The following GPRC6A variants were observed in gnomAD, a reference collection of about 807,000 sequenced individuals.
GPRC6A encodes G protein-coupled receptor class C group 6 member A, also known as G protein-coupled receptor family C group 6 member A.
GPRC6A carries 54 observed loss-of-function variants against 47.0 expected under a neutral mutation model. That is an observed-to-expected ratio of 1.15 (90% CI 0.92 to 1.44). The LOEUF is 1.44. Ranked by LOEUF, GPRC6A falls within the 40% of genes most tolerant of loss-of-function variation. GPRC6A has a pLI of 0.00. For missense variants in GPRC6A, 1,112 were observed against 1,105.5 expected, an observed-to-expected ratio of 1.01 and a Z score of -0.08; for synonymous variants, 347 against 377.1, an observed-to-expected ratio of 0.92 and a Z score of 0.93.
intron 1 of GPRC6A, among the ~76,000 whole-genome samples, chr6:116,813,840 A>T (rs1052295890): frequency 1.1e-4 from 17 of 152,226 alleles, no homozygotes; most frequent in African/African-American, 4.1e-4. Context: ...AATGGGAGAA[A>T]ATTATTGCAA....
intron 1 of GPRC6A, among the ~76,000 whole-genome samples, chr6:116,811,083 T>C (rs1218847736): frequency 6.6e-6 from 1 of 152,164 alleles, no homozygotes; most frequent in Non-Finnish European, 1.5e-5. Flanking sequence ...CTAACACCAC[T>C]TGGGCTCAGA....
intron 1 of GPRC6A, among the ~76,000 whole-genome samples, chr6:116,824,989 T>C (rs1773633823): frequency 6.6e-6 from 1 of 152,008 alleles, no homozygotes; most frequent in Non-Finnish European, 1.5e-5. Flanking sequence ...ACAAAAACTA[T>C]GTGATCATCT....
chr6:116,792,856 G>A lies in GPRC6A; in HGVS notation c.2067C>T (p.Ser689=). The A allele has an allele frequency of 6.2e-7, 1 of 1,614,058 alleles. No homozygotes were observed. Among genetic ancestry groups the A allele is most frequent in the Non-Finnish European group, 8.5e-7 (1 of 1,179,972 alleles). Residue 689 remains serine (S), a synonymous_variant, in exon 6 of 6, where the codon AGC becomes AGT. Coordinates refer to ENST00000310357, the MANE Select transcript of GPRC6A (RefSeq NM_148963.4). ...GAAATTTCTGTAATTTGGGATCAAA[G>A]CTGAAGGCTAGCAAAATTTTCAGAG... is the stretch of plus-strand genomic sequence containing the variant. The part of the protein sequence containing the change: ...TKSLKILLAF[S]FDPKLQKFLK...
At chr6:116,821,831 A>C (rs1295291633) in intron 1 of GPRC6A, among the ~76,000 whole-genome samples, 8 of 151,428 alleles carry the variant, frequency 5.3e-5, no homozygotes, top group African/African-American at 4.9e-5. Flanking sequence ...CACCAAAAGC[A>C]ATGGCAACAA....
intron 5 of GPRC6A, 28 bp from the exon 6 acceptor site, chr6:116,793,278 T>C: frequency 6.7e-7 from 1 of 1,503,552 alleles, no homozygotes; most frequent in Non-Finnish European, 8.9e-7. Context: ...CGCAGTTACA[T>C]TGTCAACATT....
chr6:116,793,016 A>G lies in GPRC6A; in HGVS notation c.1907T>C (p.Ile636Thr), dbSNP rs755319829. ...AAAATTGAGGAAATGACAGAGAAGGATCACATAGCAGACTCTTAATCCCCC... is the reference window on the plus strand; with the variant it reads ...AAAATTGAGGAAATGACAGAGAAGGGTCACATAGCAGACTCTTAATCCCCC... ...SSGGLRVCYV[I>T]LLCHFLNFAS... is the part of the protein sequence containing the mutation. Residue 636 changes from isoleucine to threonine, a missense_variant, in exon 6 of 6, where the codon ATC (isoleucine) becomes ACC (threonine). Ile to Thr is a moderately conservative substitution (Grantham distance 89). Coordinates refer to ENST00000310357, the MANE Select transcript of GPRC6A (RefSeq NM_148963.4). 1.2e-6 allele frequency: 2 copies of G among 1,614,006 alleles called. No individual in the cohort carries two copies. Among genetic ancestry groups the G allele is most frequent in the African/African-American group, 2.7e-5 (2 of 74,940 alleles).
chr6:116,821,494 A>T (rs1380024109), intron 1 of GPRC6A, among the ~76,000 whole-genome samples: 7 of 152,262 alleles, frequency 4.6e-5, no homozygotes, highest in Middle Eastern at 3.4e-3. Flanking sequence ...ACAGCATGGT[A>T]CCGGTACCAA....
At chr6:116,807,275 C>T in intron 2 of GPRC6A, 69 bp from the exon 3 acceptor site, 1 of 872,098 alleles carries the variant, frequency 1.1e-6, no homozygotes, top group Non-Finnish European at 1.8e-6. Flanking sequence ...AGTAGGTGTT[C>T]CTTTCTTTGA....
chr6:116,811,066 C>A (rs868315506), intron 1 of GPRC6A, among the ~76,000 whole-genome samples: 19 of 152,140 alleles, frequency 1.2e-4, no homozygotes, highest in African/African-American at 4.6e-4. Context: ...GCATACTTAG[C>A]CCATTGCTAA....
chr6:116,828,775 C>G (rs754662161), intron 1 of GPRC6A, 45 bp downstream of exon 1: 2 of 1,536,600 alleles, frequency 1.3e-6, no homozygotes, highest in Middle Eastern at 1.7e-4. Flanking sequence ...GTCCTAGTCT[C>G]ATGACAATCT....
At chr6:116,825,347 C>T (rs927752664) in intron 1 of GPRC6A, among the ~76,000 whole-genome samples, 8 of 151,956 alleles carry the variant, frequency 5.3e-5, no homozygotes, top group Non-Finnish European at 1.0e-4. Flanking sequence ...CAAAAGACTC[C>T]ACAAAAATCC....
intron 1 of GPRC6A, among the ~76,000 whole-genome samples, chr6:116,815,709 A>C (rs1283057383): frequency 6.6e-6 from 1 of 152,228 alleles, no homozygotes; most frequent in Non-Finnish European, 1.5e-5. Context: ...TAACAACAAG[A>C]GGAACTTTGG....
chr6:116,792,929 A>G lies in GPRC6A; in HGVS notation c.1994T>C (p.Met665Thr), dbSNP rs770947725. The G allele has an allele frequency of 6.2e-7, 1 of 1,614,086 alleles. No individual in the cohort carries two copies. Among genetic ancestry groups the G allele is most frequent in the East Asian group, 2.2e-5 (1 of 44,882 alleles). Residue 665 changes from methionine to threonine, a missense_variant, in exon 6 of 6, where the codon ATG becomes ACG. Physicochemically the swap from Met to Thr is moderately conservative, Grantham distance 81 (BLOSUM62 -1). Transcript: ENST00000310357. Reference sequence around the variant, plus strand: ...GCAAAGAGTAAAGCTCACTCCAAACATTGTCTGCCTGGTTTTACATGTGAA... The same window carrying G: ...GCAAAGAGTAAAGCTCACTCCAAACGTTGTCTGCCTGGTTTTACATGTGAA... ...QDFTCKTRQT[M>T]FGVSFTLCIS...
chr6:116,807,622 A>T (rs999501181), intron 2 of GPRC6A, among the ~76,000 whole-genome samples: 1 of 152,190 alleles, frequency 6.6e-6, no homozygotes, highest in African/African-American at 2.4e-5. Context: ...TTCTAGGTAA[A>T]GTTAATCAGT....
intron 4 of GPRC6A, among the ~76,000 whole-genome samples, chr6:116,798,442 G>C (rs181459488): frequency 2.6e-3 from 394 of 152,194 alleles, no homozygotes; most frequent in African/African-American, 8.6e-3. Context: ...GTAAGGGGAG[G>C]GTGGGAGATA....
chr6:116,795,943 G>T, intron 4 of GPRC6A, 108 bp from the exon 5 acceptor site: 1 of 690,614 alleles, frequency 1.4e-6, no homozygotes, highest in Non-Finnish European at 2.2e-6. Flanking sequence ...TACTATTTTG[G>T]TCTTTTTTCA....
At chr6:116,828,258 G>A (rs1322679931) in intron 1 of GPRC6A, among the ~76,000 whole-genome samples, 2 of 152,064 alleles carry the variant, frequency 1.3e-5, no homozygotes, top group Non-Finnish European at 2.9e-5. Context: ...CCAGTGAAAT[G>A]TCTTTCTCAT....
chr6:116,799,779 G>A (rs1456674933), intron 4 of GPRC6A, among the ~76,000 whole-genome samples: 1 of 152,160 alleles, frequency 6.6e-6, no homozygotes, highest in African/African-American at 2.4e-5. Flanking sequence ...AAGAAAGAAT[G>A]ATTGAGAATA....
intron 1 of GPRC6A, among the ~76,000 whole-genome samples, chr6:116,825,504 A>G (rs1374040868): frequency 6.6e-6 from 1 of 152,000 alleles, no homozygotes; most frequent in African/African-American, 2.4e-5. Context: ...AATAAATTTA[A>G]CCAAGGAGGT....
Sources: gnomAD v4.1 joint callset for allele counts (sites outside exome capture counted in the v4.1 genomes callset) on GRCh38, gnomAD v4.1.1 for gene constraint, MANE v1.5 for transcripts, NCBI Gene and HGNC (gene_info 2026-07-23, HGNC 2026-07-21) for gene names.